The following RPGRIP1L variants were observed in gnomAD, a reference collection of about 807,000 sequenced individuals.
RPGRIP1L encodes protein fantom.
RPGRIP1L carries 131 observed loss-of-function variants against 160.4 expected under a neutral mutation model. The observed-to-expected ratio is 0.82, with a 90% confidence interval of 0.71 to 0.94. The LOEUF is 0.94. RPGRIP1L is among the 40% of genes least tolerant of loss of function. The probability of loss-of-function intolerance (pLI) is 0.00; values close to 1 mark genes in which losing one functional copy is unlikely to be tolerated. For synonymous variants in RPGRIP1L, 510 were observed against 515.8 expected (o/e 0.99, Z 0.15); for missense variants, 1,522 against 1,535.8 (o/e 0.99, Z 0.15).
In RPGRIP1L at chr16:53,683,441, A is replaced by T. The variant is rs11862466; in HGVS notation, c.776+2992T>A. 1.9e-3 allele frequency among the ~76,000 whole-genome samples: 285 copies of T among 152,292 alleles called. 1 individual carries two copies. Among genetic ancestry groups the T allele is most frequent in the African/African-American group, 6.6e-3 (273 of 41,574 alleles). ...AACCAGTTATTAGACGATATCAAAG[A>T]ACTACTGTGATTTTTGTTAGGTGTG... On this transcript the variant is annotated intron_variant, in intron 6 of 26. Coordinates refer to ENST00000647211, the MANE Select transcript of RPGRIP1L (RefSeq NM_015272.5).
chr16:53,687,750 T>C, intron 5 of RPGRIP1L, 113 bp downstream of exon 5: 1 of 730,780 alleles, frequency 1.4e-6, no homozygotes, highest in South Asian at 1.5e-5. Flanking sequence ...AGAACATAGC[T>C]GTATTTCAGT....
At chr16:53,624,801 C>T (rs1032955272) in intron 22 of RPGRIP1L, among the ~76,000 whole-genome samples, 10 of 142,976 alleles carry the variant, frequency 7.0e-5, no homozygotes, top group Non-Finnish European at 1.5e-5. Context: ...CTGCTTTCCA[C>T]GGTCTCCCTC....
At chr16:53,612,741 CACATA>C (rs1393471679) in intron 24 of RPGRIP1L, among the ~76,000 whole-genome samples, 2 of 151,968 alleles carry the variant, frequency 1.3e-5, no homozygotes, top group African/African-American at 2.4e-5. Context: ...TGGTAAAATA[CACATA>C]ACATAAAATT....
intron 1 of RPGRIP1L, among the ~76,000 whole-genome samples, chr16:53,701,116 T>G (rs1027003732): frequency 1.5e-4 from 23 of 152,208 alleles, no homozygotes; most frequent in Admixed American, 1.5e-3. Flanking sequence ...CTAAACTCTC[T>G]GAGTTTCAGT....
rs775724713 is a variant in RPGRIP1L at position 53,657,443 on chromosome 16, A to G, written c.1581+10T>C. On this transcript the variant is annotated intron_variant, in intron 13 of 26. Transcript: ENST00000647211. ...AAAACTTACTTTCCCCATTTAGTGTATTACATTACCTGATAATCTTTATTA... is the reference window on the plus strand; with the variant it reads ...AAAACTTACTTTCCCCATTTAGTGTGTTACATTACCTGATAATCTTTATTA... The G allele has an allele frequency of 2.5e-6, 4 of 1,571,080 alleles. No individual in the cohort carries two copies. The African/African-American group carries it at 5.4e-5, about 21-fold the overall frequency.
At chr16:53,698,873 C>A (rs1245068832) in intron 2 of RPGRIP1L, among the ~76,000 whole-genome samples, 3 of 152,124 alleles carry the variant, frequency 2.0e-5, no homozygotes, top group Non-Finnish European at 4.4e-5. Context: ...CAGCCACCAC[C>A]CCGTCTGGGA....
rs1969031704 is a variant in RPGRIP1L, at chr16:53,674,932, T to C, written c.882+85A>G. 6.1e-6 allele frequency: 5 copies of C among 825,592 alleles called. No homozygotes were observed. The South Asian group carries it at 7.2e-5, about 12-fold the overall frequency. The allele number at this position is 825,592 out of a possible 1,614,324, so 51.1% of individuals were successfully genotyped here. On this transcript the variant is annotated intron_variant, in intron 7 of 26. Coordinates refer to ENST00000647211, the MANE Select transcript of RPGRIP1L (RefSeq NM_015272.5). Reference sequence around the variant, plus strand: ...AAATTATGTTCTAGTGTTATGATAATTCCATGTTAAAAAAACAACTTGAAT... The same window carrying C: ...AAATTATGTTCTAGTGTTATGATAACTCCATGTTAAAAAAACAACTTGAAT...
chr16:53,615,477 T>C (rs1157368770), intron 24 of RPGRIP1L, among the ~76,000 whole-genome samples: 1 of 136,182 alleles, frequency 7.3e-6, no homozygotes, highest in Admixed American at 7.3e-5. Flanking sequence ...TATATATTTT[T>C]TTTTTTTTTT....
intron 16 of RPGRIP1L, among the ~76,000 whole-genome samples, chr16:53,647,324 C>T (rs896918292): frequency 3.3e-5 from 5 of 152,144 alleles, no homozygotes; most frequent in South Asian, 2.1e-4. Flanking sequence ...GCATATTTCA[C>T]GGAATACATA....
chr16:53,680,725 T>C (rs942834048), intron 6 of RPGRIP1L, among the ~76,000 whole-genome samples: 2 of 151,990 alleles, frequency 1.3e-5, no homozygotes, highest in Non-Finnish European at 2.9e-5. Context: ...TCCTAGAAGA[T>C]ACTTACCCGT....
At chr16:53,609,402 TA>T (rs1827564637) in intron 25 of RPGRIP1L, among the ~76,000 whole-genome samples, 2 of 152,154 alleles carry the variant, frequency 1.3e-5, no homozygotes, top group Non-Finnish European at 2.9e-5. Context: ...CTGGCCTTTT[TA>T]AATTTCTTAA....
chr16:53,609,088 T>C (rs1369385593), intron 25 of RPGRIP1L, among the ~76,000 whole-genome samples: 2 of 152,154 alleles, frequency 1.3e-5, no homozygotes, highest in Non-Finnish European at 2.9e-5. Flanking sequence ...ATAGTTACTG[T>C]GGACTTTTCT....
rs1963404223 is a variant in RPGRIP1L, at chr16:53,602,089, T to G, written c.3935A>C (p.Asp1312Ala). The G allele has an allele frequency of 6.2e-7, 1 of 1,608,316 alleles. No homozygotes were observed. ...GAGCATTTGCTTTCAAGCCTCCAAG[T>G]CATCTCTGTATTGCTTGTAGACAGA... The part of the protein sequence containing the change: ...LQSVYKQYRD[D>A]LEA The change falls in exon 27 of 27, where the codon GAC becomes GCC. Residue 1312 changes from aspartate (D) to alanine (A), a missense_variant. Asp to Ala is a moderately radical substitution (Grantham distance 126). Coordinates refer to ENST00000647211, the MANE Select transcript of RPGRIP1L (RefSeq NM_015272.5).
At chr16:53,648,703 CTAAT>C (rs972445689) in intron 16 of RPGRIP1L, among the ~76,000 whole-genome samples, 3 of 150,960 alleles carry the variant, frequency 2.0e-5, no homozygotes, top group Non-Finnish European at 4.4e-5. Context: ...GGTATGTAGC[CTAAT>C]TAATAGTATT....
intron 3 of RPGRIP1L, chr16:53,695,907 T>C (rs1970720109): frequency 6.8e-6 from 3 of 441,526 alleles, no homozygotes; most frequent in Admixed American, 3.9e-5. Context: ...AGGTATGATA[T>C]ACTAACGGCA....
At chr16:53,606,563 T>C (rs766297999) in intron 25 of RPGRIP1L, among the ~76,000 whole-genome samples, 2 of 152,198 alleles carry the variant, frequency 1.3e-5, no homozygotes, top group African/African-American at 2.4e-5. Context: ...GTATTCTATA[T>C]TGAATTCCTT....
intron 16 of RPGRIP1L, among the ~76,000 whole-genome samples, chr16:53,646,913 G>A (rs541093765): frequency 1.3e-4 from 20 of 152,130 alleles, no homozygotes; most frequent in Non-Finnish European, 2.4e-4. Context: ...AATCTAAGAC[G>A]TGAATCACAA....
intron 10 of RPGRIP1L, among the ~76,000 whole-genome samples, chr16:53,662,023 A>G (rs1286952053): frequency 2.0e-5 from 3 of 152,200 alleles, no homozygotes; most frequent in Non-Finnish European, 4.4e-5. Context: ...TTGCTGAATT[A>G]TAATAGGCAA....
chr16:53,676,127 A>C (rs956756096), intron 6 of RPGRIP1L, among the ~76,000 whole-genome samples: 1 of 152,162 alleles, frequency 6.6e-6, no homozygotes, highest in Non-Finnish European at 1.5e-5. Flanking sequence ...CAAAGCTCAC[A>C]CATCTGTAAA....
Sources: gnomAD v4.1 joint callset for allele counts (sites outside exome capture counted in the v4.1 genomes callset) on GRCh38, gnomAD v4.1.1 for gene constraint, MANE v1.5 for transcripts, NCBI Gene and HGNC (gene_info 2026-07-23, HGNC 2026-07-21) for gene names.